KASH5: variants seen among roughly 807,000 people sequenced by gnomAD.
KASH5 encodes protein KASH5.
Under a neutral mutation model 84.2 loss-of-function variants are expected in KASH5, and 72 were observed. That is an observed-to-expected ratio of 0.85 (90% confidence interval 0.71 to 1.04). The LOEUF is 1.04. KASH5 is among the 50% of genes least tolerant of loss of function. KASH5 has a pLI of 0.00. For synonymous variants in KASH5, 260 were observed against 279.1 expected (o/e 0.93, Z 0.68); for missense variants, 650 against 701.0 (o/e 0.93, Z 0.82).
chr19:49,391,663 A>C (rs1453200012), intron 2 of KASH5: 6 of 152,212 alleles, frequency 3.9e-5, no homozygotes, highest in Non-Finnish European at 5.9e-5. Context: ...AGAGCATTTC[A>C]GTCTACACTC....
chr19:49,388,658 C>G (rs1412352199), intron 1 of KASH5, among the ~76,000 whole-genome samples: 1 of 150,706 alleles, frequency 6.6e-6, no homozygotes, highest in Non-Finnish European at 1.5e-5. Flanking sequence ...CGCCACTGCA[C>G]TCCAGCCTGG....
chr19:49,396,255 T>G lies in KASH5; in HGVS notation c.400+422T>G, dbSNP rs1050346767. The stretch of plus-strand genomic sequence containing the variant: ...CCACCCTGCTGGACTTTTTTTTTTT[T>G]TTTTTTTTTTTTTTTGAGATAAGAG... On this transcript the variant is annotated intron_variant, in intron 5 of 19. Coordinates refer to ENST00000447857, the MANE Select transcript of KASH5 (RefSeq NM_144688.5). 1.6e-4 allele frequency among the ~76,000 whole-genome samples: 15 copies of G among 94,540 alleles called. 1 individual carries two copies. The highest frequency in any genetic ancestry group is 2.8e-4 in the East Asian group (1 of 3,584). 62.0% of individuals were successfully genotyped at this position (94,540 alleles called of 152,430 possible). A position where few individuals can be genotyped will look rare whatever the true frequency, so the allele number is the denominator to read the frequency against.
chr19:49,414,569 G>A lies in KASH5; in HGVS notation c.1329-382G>A, dbSNP rs1222146847. ...GGGATCTGCTGGGGAAGTAGTGGCT[G>A]AGAAAACCAATCTGAGATGAAGAGG... On this transcript the variant is annotated intron_variant, in intron 16 of 19. Transcript: ENST00000447857. The surrounding 1 kb of genome is among the most constrained non-coding windows in gnomAD (Gnocchi z 4.5). Among the ~76,000 whole-genome samples, 3 of 152,090 alleles carry A rather than the reference G, an allele frequency of 2.0e-5. No individual in the cohort carries two copies. The highest frequency in any genetic ancestry group is 2.9e-5 in the Non-Finnish European group (2 of 67,992).
chr19:49,401,029 C>T (rs1374448225), intron 9 of KASH5, among the ~76,000 whole-genome samples: 1 of 152,212 alleles, frequency 6.6e-6, no homozygotes, highest in Non-Finnish European at 1.5e-5. Flanking sequence ...CTCTGCTGTT[C>T]ATGAGATTGA....
At position 49,399,729 on chromosome 19, in the gene KASH5, A is replaced by G; in HGVS notation, c.798+222A>G. On this transcript the variant is annotated intron_variant, in intron 9 of 19. Coordinates refer to ENST00000447857, the MANE Select transcript of KASH5 (RefSeq NM_144688.5). The surrounding 1 kb of genome is among the most constrained non-coding windows in gnomAD (Gnocchi z 4.4). ...GCCTACATGGCTTCAGGCTGAGGCC[A>G]CCTACATAAGAGTGGACCAGTGCCT... is the stretch of plus-strand genomic sequence containing the variant. 3.7e-6 allele frequency: 5 copies of G among 1,366,588 alleles called. No individual in the cohort carries two copies. Among genetic ancestry groups the G allele is most frequent in the Non-Finnish European group, 4.8e-6 (5 of 1,037,100 alleles). The allele number at this position is 1,366,588 out of a possible 1,614,324, so 84.7% of individuals were successfully genotyped here.
chr19:49,402,891 C>T (rs971147199), intron 9 of KASH5, among the ~76,000 whole-genome samples: 24 of 146,950 alleles, frequency 1.6e-4, no homozygotes, highest in African/African-American at 5.2e-4. Flanking sequence ...ACATTCATTT[C>T]CTTAACCAGA....
chr19:49,407,413 G>T, intron 11 of KASH5, 117 bp downstream of exon 11: 1 of 1,220,622 alleles, frequency 8.2e-7, no homozygotes, highest in East Asian at 2.5e-5. Flanking sequence ...CAGCTGGAGA[G>T]ACTGGAGGGT....
intron 1 of KASH5, 126 bp from the exon 2 acceptor site, chr19:49,390,663 T>C (rs1973972365): frequency 4.4e-6 from 2 of 457,916 alleles, no homozygotes; most frequent in Admixed American, 4.3e-5. Flanking sequence ...GCGGAGCTGC[T>C]CAGGTCACAG....
Position 49,409,038 on chromosome 19 carries a change from G to A in KASH5, c.1058+7G>A, listed in dbSNP as rs779204551. 103 of 1,588,102 alleles carry A rather than the reference G, an allele frequency of 6.5e-5. No individual in the cohort carries two copies. The highest frequency in any genetic ancestry group is 8.2e-5 in the Non-Finnish European group (96 of 1,167,616). On this transcript the variant is annotated splice_region_variant and intron_variant, in intron 13 of 19. Transcript: ENST00000447857. ...CCTATGAGGGGCCCGATGAGTGAGT[G>A]GAATTTCAAGGGGTAGGAGGAGGCA...
chr19:49,414,244 G>A lies in KASH5; in HGVS notation c.1329-707G>A, dbSNP rs1267840486. Reference sequence around the variant, plus strand: ...GCCTACAGGCCCAGGGTCTACTCCCGGAAGATGGGAATGAATGAGGGGCAT... The same window carrying A: ...GCCTACAGGCCCAGGGTCTACTCCCAGAAGATGGGAATGAATGAGGGGCAT... On this transcript the variant is annotated intron_variant, in intron 16 of 19. Transcript: ENST00000447857. This position sits in a 1 kb window ranked among gnomAD's most constrained non-coding sequence, Gnocchi z 4.5. 1.3e-5 allele frequency among the ~76,000 whole-genome samples: 2 copies of A among 152,084 alleles called. No individual in the cohort carries two copies. Among genetic ancestry groups the A allele is most frequent in the African/African-American group, 4.8e-5 (2 of 41,408 alleles).
intron 9 of KASH5, among the ~76,000 whole-genome samples, chr19:49,404,076 A>G (rs1048457402): frequency 1.3e-5 from 2 of 152,230 alleles, no homozygotes; most frequent in African/African-American, 2.4e-5. Context: ...CTGGCCTGCA[A>G]ATCCCTACCA....
intron 9 of KASH5, among the ~76,000 whole-genome samples, chr19:49,406,451 A>G (rs1463369921): frequency 2.6e-5 from 4 of 152,154 alleles, no homozygotes; most frequent in African/African-American, 7.2e-5. Flanking sequence ...ATCTTGGCTC[A>G]CTGCAACCTC....
At chr19:49,400,846 T>C (rs1451619486) in intron 9 of KASH5, among the ~76,000 whole-genome samples, 1 of 152,092 alleles carries the variant, frequency 6.6e-6, no homozygotes, top group Non-Finnish European at 1.5e-5. Context: ...CAGAAAAACA[T>C]CATCTTAGTT....
At chr19:49,401,310 T>A (rs1262398822) in intron 9 of KASH5, among the ~76,000 whole-genome samples, 1 of 152,126 alleles carries the variant, frequency 6.6e-6, no homozygotes, top group Non-Finnish European at 1.5e-5. Flanking sequence ...TGGGGAGATG[T>A]GGCTTCTCTG....
chr19:49,412,542 T>C lies in KASH5; in HGVS notation c.1270-426T>C, dbSNP rs1411970196. Among the ~76,000 whole-genome samples, 1 of 151,910 alleles carries C rather than the reference T, an allele frequency of 6.6e-6. No homozygotes were observed. Among genetic ancestry groups the C allele is most frequent in the Non-Finnish European group, 1.5e-5 (1 of 67,952 alleles). On this transcript the variant is annotated intron_variant, in intron 15 of 19. Coordinates refer to ENST00000447857, the MANE Select transcript of KASH5 (RefSeq NM_144688.5). This position sits in a 1 kb window ranked among gnomAD's most constrained non-coding sequence, Gnocchi z 4.6. ...ATATGTCTCTGGAGAAACCGAGAGG[T>C]ACTTGGGTCCTGAGGGAGAGCAGAT...
chr19:49,417,747 A>C lies in KASH5; in HGVS notation c.*237A>C. The C allele has an allele frequency of 2.0e-6, 1 of 491,552 alleles. No individual in the cohort carries two copies. Among genetic ancestry groups the C allele is most frequent in the Non-Finnish European group, 3.2e-6 (1 of 308,802 alleles). The allele number at this position is 491,552 out of a possible 1,614,324, so 30.4% of individuals were successfully genotyped here. The stretch of plus-strand genomic sequence containing the variant: ...GCACTAAGGATTATTCCCTCACAAA[A>C]CAAGCCTGGCGAGGGCAGCTGTGGG... On this transcript the variant is annotated 3_prime_UTR_variant, in exon 20 of 20. Transcript: ENST00000447857. This position sits in a 1 kb window ranked among gnomAD's most constrained non-coding sequence, Gnocchi z 5.2.
At chr19:49,406,441 A>T (rs1218400329) in intron 9 of KASH5, among the ~76,000 whole-genome samples, 2 of 152,028 alleles carry the variant, frequency 1.3e-5, no homozygotes, top group Non-Finnish European at 2.9e-5. Flanking sequence ...CAGTGGGGCG[A>T]TCTTGGCTCA....
chr19:49,390,968 G>A (rs1275295617), intron 2 of KASH5, 42 bp downstream of exon 2: 1 of 1,597,376 alleles, frequency 6.3e-7, no homozygotes, highest in Non-Finnish European at 8.5e-7. Flanking sequence ...AGGGTGAGGA[G>A]GGAGCCATGG....
At chr19:49,400,459 G>A (rs756252934) in intron 9 of KASH5, among the ~76,000 whole-genome samples, 28 of 148,462 alleles carry the variant, frequency 1.9e-4, no homozygotes, top group Admixed American at 1.4e-3. Flanking sequence ...ACCGTCTCCC[G>A]GTTCAAGTGA....
Sources: gnomAD v4.1 joint callset for allele counts (sites outside exome capture counted in the v4.1 genomes callset) on GRCh38, gnomAD v4.1.1 for gene constraint, Gnocchi (gnomAD v3.1) non-coding constraint, MANE v1.5 for transcripts, NCBI Gene and HGNC (gene_info 2026-07-23, HGNC 2026-07-21) for gene names.